The following PRPF3 variants were observed in gnomAD, a reference collection of about 807,000 sequenced individuals.
The protein encoded by PRPF3 is U4/U6 small nuclear ribonucleoprotein Prp3.
A neutral mutation model predicts 89.2 loss-of-function variants in PRPF3; 3 were observed. That is an observed-to-expected ratio of 0.03 (90% CI 0.02 to 0.09). The LOEUF (loss-of-function observed/expected upper bound fraction) is 0.09, where lower values mean the gene tolerates loss of function less well. Ranked by LOEUF, PRPF3 falls within the 10% of genes least tolerant of loss-of-function variation. The pLI, the probability that PRPF3 is intolerant of heterozygous loss-of-function variation, is 1.00. For synonymous variants in PRPF3, 270 were observed against 289.1 expected, an observed-to-expected ratio of 0.93 and a Z score of 0.67; for missense variants, 463 against 828.8, an observed-to-expected ratio of 0.56 and a Z score of 5.42.
At chr1:150,325,476 A>C (rs181407876) in intron 2 of PRPF3, among the ~76,000 whole-genome samples, 3 of 152,164 alleles carry the variant, frequency 2.0e-5, no homozygotes, top group Admixed American at 6.5e-5. Context: ...ACAACTTGCT[A>C]TTTGGGAAAG....
chr1:150,337,285 C>T (rs934817350), intron 7 of PRPF3, among the ~76,000 whole-genome samples: 7 of 151,664 alleles, frequency 4.6e-5, no homozygotes, highest in Non-Finnish European at 8.8e-5. Context: ...ATGATCCTCC[C>T]GCCTCGGCCT....
At chr1:150,340,704 G>C (rs1657599414) in intron 9 of PRPF3, among the ~76,000 whole-genome samples, 1 of 152,040 alleles carries the variant, frequency 6.6e-6, no homozygotes, top group Non-Finnish European at 1.5e-5. Context: ...AGACAGCCAA[G>C]CATGGTGGCT....
chr1:150,351,459 C>T (rs1553874345), intron 15 of PRPF3, among the ~76,000 whole-genome samples: 1 of 151,842 alleles, frequency 6.6e-6, no homozygotes, highest in East Asian at 1.9e-4. Context: ...TATTTGTTCT[C>T]TGTTTTATAA....
At chr1:150,323,467 C>T (rs902411226) in intron 1 of PRPF3, among the ~76,000 whole-genome samples, 1 of 151,724 alleles carries the variant, frequency 6.6e-6, no homozygotes, top group Non-Finnish European at 1.5e-5. Flanking sequence ...GAAACCGTGT[C>T]TTTATTAAAA....
chr1:150,322,961 G>A (rs1013287546), intron 1 of PRPF3, among the ~76,000 whole-genome samples: 4 of 149,866 alleles, frequency 2.7e-5, no homozygotes, highest in Admixed American at 6.7e-5. Context: ...TGCAACCTCC[G>A]CCTTCCATGT....
chr1:150,345,505 C>G (rs913548983), intron 12 of PRPF3: 7 of 171,702 alleles, frequency 4.1e-5, no homozygotes, highest in East Asian at 3.2e-4. Context: ...CACGCACCCC[C>G]ACGCCCGGCT....
chr1:150,328,401 G>A lies in PRPF3; in HGVS notation c.358G>A (p.Glu120Lys). 1 of 1,614,070 alleles carries A rather than the reference G, an allele frequency of 6.2e-7. No individual in the cohort carries two copies. The highest frequency in any genetic ancestry group is 8.5e-7 in the Non-Finnish European group (1 of 1,180,024). The change falls in exon 4 of 16, where the codon GAA becomes AAA. Residue 120 changes from glutamate to lysine, a missense_variant. Transcript: ENST00000324862. Reference sequence around the variant, plus strand: ...ACGAATACCCCGTTTTGAGGAGGTGGAAGAAGAGCCAGAGGTGATCCCTGG... The same window carrying A: ...ACGAATACCCCGTTTTGAGGAGGTGAAAGAAGAGCCAGAGGTGATCCCTGG... ...KRRIPRFEEV[E>K]EEPEVIPGPP...
At chr1:150,335,269 T>G in intron 7 of PRPF3, 28 bp downstream of exon 7, 10 of 1,602,944 alleles carry the variant, frequency 6.2e-6, no homozygotes, top group Non-Finnish European at 6.8e-6. Context: ...TAACACAGAA[T>G]TTGGAAAAAG....
chr1:150,335,646 G>T (rs1487913599), intron 7 of PRPF3, among the ~76,000 whole-genome samples: 1 of 151,236 alleles, frequency 6.6e-6, no homozygotes, highest in Admixed American at 6.6e-5. Context: ...TGTATTTTTG[G>T]TGGAGACGGG....
chr1:150,339,748 T>G (rs59825423), intron 8 of PRPF3, among the ~76,000 whole-genome samples: 19 of 139,288 alleles, frequency 1.4e-4, no homozygotes, highest in African/African-American at 4.5e-4. Context: ...TTTTTTTTTT[T>G]TTTTTTTTTT....
At chr1:150,337,616 A>G (rs1657170796) in intron 7 of PRPF3, among the ~76,000 whole-genome samples, 1 of 151,744 alleles carries the variant, frequency 6.6e-6, no homozygotes, top group Admixed American at 6.6e-5. Flanking sequence ...TCTCTACTAA[A>G]AATACAAAAA....
At chr1:150,349,256 C>T (rs782449323) in intron 15 of PRPF3, 38 bp downstream of exon 15, 7 of 1,450,960 alleles carry the variant, frequency 4.8e-6, no homozygotes, top group South Asian at 1.1e-5. Flanking sequence ...AAACTTTAGC[C>T]AACTCCTGAA....
chr1:150,349,525 G>A (rs1267692627), intron 15 of PRPF3, among the ~76,000 whole-genome samples: 6 of 152,094 alleles, frequency 3.9e-5, no homozygotes, highest in African/African-American at 9.7e-5. Context: ...ACTTGGAAAC[G>A]GGAATGAATT....
At chr1:150,348,460 A>ATTTTTTCTTTTTTTTTTTTTT (rs1658533211) in intron 14 of PRPF3, among the ~76,000 whole-genome samples, 1 of 48,464 alleles carries the variant, frequency 2.1e-5, no homozygotes, top group Non-Finnish European at 3.5e-5. Context: ...CTACACGTGC[A>ATTTTTTCTTTTTTTTTTTTTT]TTTTTTTTTT....
intron 4 of PRPF3, among the ~76,000 whole-genome samples, chr1:150,328,731 T>G (rs1553864602): frequency 6.6e-6 from 1 of 151,582 alleles, no homozygotes; most frequent in South Asian, 2.1e-4. Context: ...TTTTGTATTT[T>G]TAGTAGAGAT....
At chr1:150,349,477 C>T (rs1277488268) in intron 15 of PRPF3, among the ~76,000 whole-genome samples, 4 of 152,132 alleles carry the variant, frequency 2.6e-5, no homozygotes, top group Admixed American at 2.0e-4. Context: ...TACAAATTCT[C>T]TACCGAAAAT....
intron 1 of PRPF3, among the ~76,000 whole-genome samples, chr1:150,322,700 A>G (rs898296582): frequency 1.3e-5 from 2 of 152,192 alleles, no homozygotes. Flanking sequence ...TATAGACTCT[A>G]GTATAGAGGC....
chr1:150,343,839 AT>A (rs1357208180), intron 10 of PRPF3, among the ~76,000 whole-genome samples: 1 of 152,202 alleles, frequency 6.6e-6, no homozygotes, highest in Non-Finnish European at 1.5e-5. Context: ...GTTCAGCAGT[AT>A]TTTGACTGAG....
At chr1:150,330,781 A>C (rs138996463) in intron 4 of PRPF3, among the ~76,000 whole-genome samples, 2,081 of 129,446 alleles carry the variant, frequency 0.016, 54 homozygotes, top group African/African-American at 0.058. Context: ...TAATGGCGCT[A>C]TCTCGGCTCA....
Sources: gnomAD v4.1 joint callset for allele counts (sites outside exome capture counted in the v4.1 genomes callset) on GRCh38, gnomAD v4.1.1 for gene constraint, MANE v1.5 for transcripts, NCBI Gene and HGNC (gene_info 2026-07-23, HGNC 2026-07-21) for gene names.